The following TMEM156 variants were observed in gnomAD, a reference collection of about 807,000 sequenced individuals.
TMEM156 encodes transmembrane protein 156.
Under a neutral mutation model 30.5 loss-of-function variants are expected in TMEM156, and 28 were observed. The observed-to-expected ratio is 0.92, with a 90% CI of 0.68 to 1.26. TMEM156 has a LOEUF of 1.26. Ranked by LOEUF, TMEM156 falls within the 50% of genes most tolerant of loss-of-function variation. TMEM156 has a pLI of 0.00. For missense variants in TMEM156, 351 were observed against 340.6 expected (o/e 1.03, Z -0.24); for synonymous variants, 137 against 119.9 (o/e 1.14, Z -0.93).
At chr4:38,972,996 T>C (rs1231236831) in intron 5 of TMEM156, among the ~76,000 whole-genome samples, 2 of 152,230 alleles carry the variant, frequency 1.3e-5, no homozygotes, top group East Asian at 3.8e-4. Context: ...TTTGCAGTTA[T>C]AAATGAGTCG....
At chr4:38,976,759 T>C (rs1246801712) in intron 5 of TMEM156, among the ~76,000 whole-genome samples, 3 of 152,244 alleles carry the variant, frequency 2.0e-5, no homozygotes, top group Non-Finnish European at 4.4e-5. Flanking sequence ...TCTATCTTCA[T>C]AGAAGCCTAG....
chr4:38,982,412 T>C (rs1323543285), intron 5 of TMEM156, among the ~76,000 whole-genome samples: 2 of 152,262 alleles, frequency 1.3e-5, no homozygotes, highest in Non-Finnish European at 2.9e-5. Context: ...ATGTTATTTA[T>C]GATTCTTTGA....
intron 1 of TMEM156, among the ~76,000 whole-genome samples, chr4:39,031,126 G>C (rs988784041): frequency 7.2e-5 from 11 of 152,080 alleles, no homozygotes; most frequent in Non-Finnish European, 1.6e-4. Flanking sequence ...TCAAATATGA[G>C]TTTTTCTCTG....
intron 3 of TMEM156, among the ~76,000 whole-genome samples, chr4:38,990,482 T>G (rs549586319): frequency 6.6e-6 from 1 of 152,150 alleles, no homozygotes; most frequent in African/African-American, 2.4e-5. Context: ...CAAGGTGTCA[T>G]TGGGCACTGA....
intron 1 of TMEM156, among the ~76,000 whole-genome samples, chr4:39,001,247 C>G (rs1713334712): frequency 6.7e-6 from 1 of 148,618 alleles, no homozygotes; most frequent in African/African-American, 2.5e-5. Context: ...ATTAGCTGGG[C>G]ATGGTGGCGG....
Position 38,971,126 on chromosome 4 carries a change from G to C in TMEM156, c.835C>G (p.Gln279Glu), listed in dbSNP as rs781192828. 2.3e-5 allele frequency: 37 copies of C among 1,613,840 alleles called. 1 individual carries two copies. The South Asian group carries it at 3.2e-4, about 14-fold the overall frequency. The change falls in exon 6 of 7, where the codon CAG (glutamine) becomes GAG (glutamate). Residue 279 changes from glutamine (Q) to glutamate (E), a missense_variant. Coordinates refer to ENST00000381938, the MANE Select transcript of TMEM156 (RefSeq NM_024943.3). ...NVQVLSAETT[Q>E]RLPLDQVQEV... is the part of the protein sequence containing the mutation. ...TGGACTTGATCCAAAGGCAGCCTCT[G>C]CGTGGTCTCTGCTATTTAAGAAGGA...
At chr4:38,989,621 A>G (rs62294541) in intron 3 of TMEM156, among the ~76,000 whole-genome samples, 12,370 of 152,250 alleles carry the variant, frequency 0.081, 591 homozygotes, top group Middle Eastern at 0.13. Context: ...CAATGAGGCA[A>G]CATGGGAAGG....
intron 2 of TMEM156, among the ~76,000 whole-genome samples, chr4:38,996,064 T>C (rs900821762): frequency 6.6e-6 from 1 of 152,130 alleles, no homozygotes; most frequent in Non-Finnish European, 1.5e-5. Flanking sequence ...CATCAGGAAC[T>C]CCTATAACTC....
chr4:38,993,766 A>G lies in TMEM156; in HGVS notation c.591T>C (p.Ile197=), dbSNP rs371274433. The G allele has an allele frequency of 1.1e-5, 17 of 1,613,236 alleles. No homozygotes were observed. The African/African-American group carries it at 1.5e-4, about 14-fold the overall frequency. Residue 197 remains isoleucine (I), a synonymous_variant, in exon 3 of 7, where the codon ATT becomes ATC. Transcript: ENST00000381938. ...TTATATCCATCTCTAGGTGCAAAGA[A>G]ATGTGTATACAATCATTCGGGTATT... ...IMEYPNDCIH[I]SLHLEMDIKN...
chr4:39,004,658 G>A (rs1713604833), intron 1 of TMEM156, among the ~76,000 whole-genome samples: 1 of 151,960 alleles, frequency 6.6e-6, no homozygotes, highest in Admixed American at 6.6e-5. Context: ...ATTATATATG[G>A]TATTTTTATG....
intron 3 of TMEM156, among the ~76,000 whole-genome samples, chr4:38,991,211 TC>T (rs68093855): frequency 6.4e-5 from 9 of 140,152 alleles, no homozygotes; most frequent in East Asian, 4.0e-4. Context: ...ACTGTCTTTT[TC>T]TTTTCTTTTC....
At chr4:38,967,898 C>G (rs1303850891) in intron 6 of TMEM156, among the ~76,000 whole-genome samples, 1 of 152,172 alleles carries the variant, frequency 6.6e-6, no homozygotes, top group Non-Finnish European at 1.5e-5. Context: ...TGGGTAGATA[C>G]CCAGTAGTGG....
chr4:39,012,681 C>T (rs1311957808), intron 1 of TMEM156, among the ~76,000 whole-genome samples: 2 of 152,190 alleles, frequency 1.3e-5, no homozygotes, highest in African/African-American at 4.8e-5. Context: ...TGGCTCACGC[C>T]TGCAATCCCA....
rs538801755 is a variant in TMEM156, at chr4:39,027,025, C to T, written c.88+5201G>A. Among the ~76,000 whole-genome samples, 3 of 152,286 alleles carry T rather than the reference C, an allele frequency of 2.0e-5. No homozygotes were observed. In the East Asian group the frequency reaches 5.8e-4, roughly 29 times the overall value. ...TTTATTCCTTCTTTCTAAAGATTTTCAGAACATTCTCTCTTGAGAATGATG... is the reference window on the plus strand; with the variant it reads ...TTTATTCCTTCTTTCTAAAGATTTTTAGAACATTCTCTCTTGAGAATGATG... On this transcript the variant is annotated intron_variant, in intron 1 of 6. Transcript: ENST00000381938.
intron 1 of TMEM156, among the ~76,000 whole-genome samples, chr4:39,009,266 G>T (rs924247005): frequency 3.3e-5 from 5 of 151,934 alleles, no homozygotes; most frequent in Non-Finnish European, 7.4e-5. Context: ...AAACCTACCA[G>T]CCCAGAACAG....
At chr4:39,030,179 TA>T (rs5857658) in intron 1 of TMEM156, among the ~76,000 whole-genome samples, 51 of 144,144 alleles carry the variant, frequency 3.5e-4, no homozygotes, top group Non-Finnish European at 5.6e-4. Flanking sequence ...CCCTGTCTCT[TA>T]AAAAAAAAAA....
In TMEM156 at chr4:38,998,623, C is replaced by A. The variant is rs780510323; in HGVS notation, c.358+17G>T. On this transcript the variant is annotated intron_variant, in intron 2 of 6. Coordinates refer to ENST00000381938, the MANE Select transcript of TMEM156 (RefSeq NM_024943.3). The stretch of plus-strand genomic sequence containing the variant: ...ATACCTGATACCATTTTATTCTCAC[C>A]TTCACTTTGTGTTTACCTTTTGATG... 4 of 1,596,960 alleles carry A rather than the reference C, an allele frequency of 2.5e-6. No homozygotes were observed. The African/African-American group carries it at 5.4e-5, about 22-fold the overall frequency.
intron 1 of TMEM156, among the ~76,000 whole-genome samples, chr4:39,024,134 C>T (rs1320572589): frequency 1.3e-5 from 2 of 152,220 alleles, no homozygotes; most frequent in African/African-American, 4.8e-5. Context: ...CCCCTGGGTT[C>T]AAGTGATTTT....
At chr4:39,022,349 A>G (rs1164828617) in intron 1 of TMEM156, among the ~76,000 whole-genome samples, 1 of 152,216 alleles carries the variant, frequency 6.6e-6, no homozygotes, top group Admixed American at 6.5e-5. Flanking sequence ...ACTTTTTAGT[A>G]TCTCAGTCAT....
Sources: gnomAD v4.1 joint callset for allele counts (sites outside exome capture counted in the v4.1 genomes callset) on GRCh38, gnomAD v4.1.1 for gene constraint, MANE v1.5 for transcripts, NCBI Gene and HGNC (gene_info 2026-07-23, HGNC 2026-07-21) for gene names.